Variants in CHODL observed in about 807,000 individuals in gnomAD.
CHODL encodes chondrolectin, also known as transmembrane protein MT75.
Under a neutral mutation model 34.5 loss-of-function variants are expected in CHODL, and 29 were observed. The observed-to-expected ratio is 0.84, with a 90% CI of 0.63 to 1.15. The LOEUF is 1.15. Among genes scored for constraint, CHODL ranks in the 50% most tolerant of loss-of-function variants. CHODL has a pLI of 0.00. For synonymous variants in CHODL, 125 were observed against 116.1 expected, an observed-to-expected ratio of 1.08 and a Z score of -0.49; for missense variants, 332 against 332.5, an observed-to-expected ratio of 1.00 and a Z score of 0.01.
At chr21:18,069,811 T>G (rs2064774298) in intron 2 of CHODL, among the ~76,000 whole-genome samples, 1 of 152,138 alleles carries the variant, frequency 6.6e-6, no homozygotes, top group African/African-American at 2.4e-5. Flanking sequence ...AGTCTTGCTG[T>G]GTTGCCCAGG....
At chr21:17,968,132 T>A (rs2063587459) in intron 1 of CHODL, among the ~76,000 whole-genome samples, 1 of 152,188 alleles carries the variant, frequency 6.6e-6, no homozygotes, top group Non-Finnish European at 1.5e-5. Flanking sequence ...ACCTGCACAT[T>A]TTCTCTCAAG....
At chr21:17,968,680 A>G (rs976641117) in intron 1 of CHODL, among the ~76,000 whole-genome samples, 16 of 152,198 alleles carry the variant, frequency 1.1e-4, no homozygotes. Flanking sequence ...TGACAATCAC[A>G]TGGTGGACAC....
At chr21:18,200,277 T>G (rs905218534) in intron 2 of CHODL, among the ~76,000 whole-genome samples, 29 of 152,308 alleles carry the variant, frequency 1.9e-4, no homozygotes, top group African/African-American at 6.5e-4. Context: ...CATAGTTATA[T>G]CTAAAGAATT....
intron 2 of CHODL, among the ~76,000 whole-genome samples, chr21:18,038,705 C>T (rs988317927): frequency 4.6e-5 from 7 of 151,610 alleles, no homozygotes; most frequent in Non-Finnish European, 8.9e-5. Flanking sequence ...TAAACACATA[C>T]TTCAGAGTAG....
chr21:18,020,934 TTC>T (rs2064122409), intron 1 of CHODL, among the ~76,000 whole-genome samples: 3 of 152,228 alleles, frequency 2.0e-5, no homozygotes, highest in African/African-American at 7.2e-5. Flanking sequence ...CAAGACCCCC[TTC>T]TCTCTATATT....
At chr21:18,183,293 C>A (rs1393899511) in intron 2 of CHODL, among the ~76,000 whole-genome samples, 1 of 152,138 alleles carries the variant, frequency 6.6e-6, no homozygotes, top group Non-Finnish European at 1.5e-5. Flanking sequence ...TCAACCTATG[C>A]CAAACTGTCC....
Position 18,266,112 on chromosome 21 carries a change from G to A in CHODL, c.*74G>A. ...GGAATGGCATCAGAACAATAGCTTGGAATGGCTTGAAATCACAAAGGATCT... is the reference window on the plus strand; with the variant it reads ...GGAATGGCATCAGAACAATAGCTTGAAATGGCTTGAAATCACAAAGGATCT... On this transcript the variant is annotated 3_prime_UTR_variant, in exon 6 of 6. Coordinates refer to ENST00000299295, the MANE Select transcript of CHODL (RefSeq NM_024944.3). 6.2e-7 allele frequency: 1 copy of A among 1,611,268 alleles called. No homozygotes were observed. Among genetic ancestry groups the A allele is most frequent in the Non-Finnish European group, 8.5e-7 (1 of 1,178,260 alleles).
intron 2 of CHODL, among the ~76,000 whole-genome samples, chr21:18,213,599 G>A (rs1187854649): frequency 1.3e-5 from 2 of 152,046 alleles, no homozygotes; most frequent in Non-Finnish European, 2.9e-5. Flanking sequence ...AGACTTGGGT[G>A]TAAAGGATGC....
chr21:18,145,098 T>C (rs1227583844), intron 2 of CHODL, among the ~76,000 whole-genome samples: 1 of 150,068 alleles, frequency 6.7e-6, no homozygotes, highest in African/African-American at 2.4e-5. Flanking sequence ...AAACAAGATG[T>C]TCAAGTCAGT....
intron 1 of CHODL, among the ~76,000 whole-genome samples, chr21:17,980,408 T>C (rs900540231): frequency 3.5e-4 from 54 of 152,326 alleles, no homozygotes; most frequent in African/African-American, 1.3e-3. Context: ...GGGTAAAATA[T>C]TGCATTTCCT....
chr21:18,217,527 C>G (rs929921656), intron 2 of CHODL, among the ~76,000 whole-genome samples: 1 of 152,020 alleles, frequency 6.6e-6, no homozygotes, highest in African/African-American at 2.4e-5. Context: ...GCGTCCTTCC[C>G]AGCAGAGGTG....
At chr21:18,131,818 T>C (rs907035823) in intron 2 of CHODL, among the ~76,000 whole-genome samples, 19 of 152,280 alleles carry the variant, frequency 1.2e-4, no homozygotes, top group African/African-American at 4.3e-4. Context: ...CCTTCCCTTT[T>C]TCCTGCTCTT....
At chr21:18,136,619 G>T (rs1217858113) in intron 2 of CHODL, among the ~76,000 whole-genome samples, 1 of 151,170 alleles carries the variant, frequency 6.6e-6, no homozygotes, top group African/African-American at 2.4e-5. Flanking sequence ...GAGTGTGTGT[G>T]TGCGTGCGCA....
intron 2 of CHODL, among the ~76,000 whole-genome samples, chr21:18,219,394 T>A (rs1428749753): frequency 6.6e-6 from 1 of 152,138 alleles, no homozygotes; most frequent in Non-Finnish European, 1.5e-5. Context: ...ATTGCCCCCA[T>A]GATTTAATTA....
At chr21:18,027,583 A>G (rs1189887269) in intron 1 of CHODL, among the ~76,000 whole-genome samples, 1 of 152,154 alleles carries the variant, frequency 6.6e-6, no homozygotes, top group Non-Finnish European at 1.5e-5. Context: ...ACTTAGGTAA[A>G]GTGCGATGCC....
At chr21:17,932,795 CACAGAG>C (rs1459610039) in intron 1 of CHODL, among the ~76,000 whole-genome samples, 7 of 152,146 alleles carry the variant, frequency 4.6e-5, no homozygotes, top group Middle Eastern at 3.2e-3. Context: ...AAGAAAAAGA[CACAGAG>C]ACAAAGTATG....
chr21:18,175,542 G>A (rs901492457), intron 2 of CHODL, among the ~76,000 whole-genome samples: 1 of 151,592 alleles, frequency 6.6e-6, no homozygotes, highest in Admixed American at 6.6e-5. Context: ...GCAGTGAGCC[G>A]AGATGGCGCC....
chr21:18,217,533 A>T (rs188998913), intron 2 of CHODL, among the ~76,000 whole-genome samples: 95 of 152,106 alleles, frequency 6.2e-4, no homozygotes, highest in African/African-American at 2.0e-3. Context: ...TTCCCAGCAG[A>T]GGTGGGGATT....
chr21:18,234,320 G>A (rs76572091), intron 2 of CHODL, among the ~76,000 whole-genome samples: 4,308 of 152,128 alleles, frequency 0.028, 195 homozygotes, highest in African/African-American at 0.1. Flanking sequence ...ACTTCCTTAG[G>A]TGTGCAGGAA....
Sources: allele counts gnomAD v4.1 joint callset (sites outside exome capture counted in the v4.1 genomes callset), GRCh38; gene constraint gnomAD v4.1.1; transcripts MANE v1.5; gene names NCBI Gene and HGNC (gene_info 2026-07-23, HGNC 2026-07-21).